The following ZSWIM6 variants were observed in gnomAD, a reference collection of about 807,000 sequenced individuals.
ZSWIM6 encodes the protein zinc finger SWIM domain-containing protein 6.
A neutral mutation model predicts 113.2 loss-of-function variants in ZSWIM6; 9 were observed. The observed-to-expected ratio is 0.08, with a 90% CI of 0.05 to 0.14. The LOEUF is 0.14. ZSWIM6 is among the 10% of genes least tolerant of loss of function. The pLI, the probability that ZSWIM6 is intolerant of heterozygous loss-of-function variation, is 1.00. For synonymous variants in ZSWIM6, 611 were observed against 606.5 expected, an observed-to-expected ratio of 1.01 and a Z score of -0.11; for missense variants, 1,162 against 1,552.2, an observed-to-expected ratio of 0.75 and a Z score of 4.22.
At chr5:61,504,324 A>G (rs1228957977) in intron 4 of ZSWIM6, among the ~76,000 whole-genome samples, 1 of 152,234 alleles carries the variant, frequency 6.6e-6, no homozygotes, top group Admixed American at 6.5e-5. Context: ...TCAATGCTGC[A>G]GGTAATCTAT....
At chr5:61,498,519 GT>G (rs1748380577) in intron 4 of ZSWIM6, among the ~76,000 whole-genome samples, 1 of 152,176 alleles carries the variant, frequency 6.6e-6, no homozygotes, top group African/African-American at 2.4e-5. Context: ...TTGACCACTA[GT>G]TATTAAGCAA....
At chr5:61,375,776 CAA>C (rs1314619890) in intron 1 of ZSWIM6, 1 of 1,514,372 alleles carries the variant, frequency 6.6e-7, no homozygotes, top group South Asian at 1.2e-5. Context: ...ACAGAAAAAA[CAA>C]AAAAGAAAAA....
chr5:61,422,421 C>A (rs1746372597), intron 1 of ZSWIM6, among the ~76,000 whole-genome samples: 1 of 152,168 alleles, frequency 6.6e-6, no homozygotes, highest in Non-Finnish European at 1.5e-5. Flanking sequence ...ATTCCACTTA[C>A]TAAGTGTCTA....
intron 1 of ZSWIM6, among the ~76,000 whole-genome samples, chr5:61,344,249 A>G (rs1241075020): frequency 2.0e-5 from 3 of 152,042 alleles, no homozygotes; most frequent in African/African-American, 7.2e-5. Context: ...TCTTCCCCCA[A>G]ATACCACTTG....
At chr5:61,379,145 C>T (rs1445844004) in intron 1 of ZSWIM6, among the ~76,000 whole-genome samples, 4 of 133,520 alleles carry the variant, frequency 3.0e-5, no homozygotes, top group Non-Finnish European at 6.1e-5. Flanking sequence ...GATCATGCCT[C>T]TCTACTCCAG....
At position 61,544,592 on chromosome 5, in the gene ZSWIM6, A is replaced by G. The variant is rs1749838393; in HGVS notation, c.*275A>G. 1 of 176,424 alleles carries G rather than the reference A, an allele frequency of 5.7e-6. No homozygotes were observed. Among genetic ancestry groups the G allele is most frequent in the South Asian group, 1.6e-4 (1 of 6,284 alleles). The allele number at this position is 176,424 out of a possible 1,614,324, so 10.9% of individuals were successfully genotyped here. A position where few individuals can be genotyped will look rare whatever the true frequency, so the allele number is the denominator to read the frequency against. ...GAGAGGTTAAAAAGGTTTGGTTTAC[A>G]CTGAGTATATGTTGTCAAGTGGCAA... On this transcript the variant is annotated 3_prime_UTR_variant, in exon 14 of 14. Transcript: ENST00000252744.
chr5:61,537,948 A>G lies in ZSWIM6; in HGVS notation c.2382-866A>G, dbSNP rs558026885. Among the ~76,000 whole-genome samples, 89 of 151,920 alleles carry G rather than the reference A, an allele frequency of 5.9e-4. 1 individual carries two copies. The South Asian group carries it at 0.01, about 17-fold the overall frequency. On this transcript the variant is annotated intron_variant, in intron 10 of 13. Transcript: ENST00000252744. The stretch of plus-strand genomic sequence containing the variant: ...TTTTTCATCAGCATATTCTTTTTTT[A>G]TTTGTTTTGAGACAGGGTTTTGCTC...
chr5:61,387,492 C>T (rs1008794439), intron 1 of ZSWIM6, among the ~76,000 whole-genome samples: 9 of 150,900 alleles, frequency 6.0e-5, no homozygotes, highest in African/African-American at 2.0e-4. Flanking sequence ...GGTGAAACCC[C>T]ATCTCTACAA....
At chr5:61,505,600 TA>T in intron 4 of ZSWIM6, among the ~76,000 whole-genome samples, 2 of 101,914 alleles carry the variant, frequency 2.0e-5, no homozygotes, top group South Asian at 7.2e-4. Context: ...ATCTATGATT[TA>T]CCTTCCTTCC....
At chr5:61,535,852 C>G (rs1179960588) in intron 10 of ZSWIM6, among the ~76,000 whole-genome samples, 1 of 152,202 alleles carries the variant, frequency 6.6e-6, no homozygotes, top group Non-Finnish European at 1.5e-5. Context: ...CACACCGTGG[C>G]TTTTTCCTAC....
intron 6 of ZSWIM6, 70 bp from the exon 7 acceptor site, chr5:61,526,180 T>C: frequency 6.7e-7 from 1 of 1,482,842 alleles, no homozygotes; most frequent in Non-Finnish European, 9.0e-7. Flanking sequence ...AGAAACATCT[T>C]ACTATTAAAT....
intron 1 of ZSWIM6, among the ~76,000 whole-genome samples, chr5:61,436,252 G>A (rs1191595510): frequency 6.6e-6 from 1 of 151,946 alleles, no homozygotes; most frequent in South Asian, 2.1e-4. Context: ...TGAGATGTTG[G>A]TAGCAGCTTG....
intron 1 of ZSWIM6, among the ~76,000 whole-genome samples, chr5:61,429,204 CA>C (rs1221215836): frequency 1.3e-5 from 2 of 152,194 alleles, no homozygotes; most frequent in African/African-American, 4.8e-5. Context: ...CTCTCCCCTA[CA>C]GGGGGTAGGG....
intron 1 of ZSWIM6, among the ~76,000 whole-genome samples, chr5:61,440,028 G>A (rs1746792110): frequency 6.6e-6 from 1 of 151,990 alleles, no homozygotes; most frequent in African/African-American, 2.4e-5. Flanking sequence ...AATTGGAGTA[G>A]TCTTTGACAC....
At chr5:61,512,866 A>G (rs1748827488) in intron 4 of ZSWIM6, among the ~76,000 whole-genome samples, 1 of 152,106 alleles carries the variant, frequency 6.6e-6, no homozygotes, top group Admixed American at 6.6e-5. Context: ...AAAATTGAGC[A>G]GAGATTTCCC....
At chr5:61,373,372 CTT>C (rs748556109) in intron 1 of ZSWIM6, among the ~76,000 whole-genome samples, 4 of 102,946 alleles carry the variant, frequency 3.9e-5, no homozygotes, top group Admixed American at 2.2e-4. Flanking sequence ...CTCAGTATTT[CTT>C]TTTTTTTTTT....
chr5:61,399,231 GTTTT>G (rs35540556), intron 1 of ZSWIM6, among the ~76,000 whole-genome samples: 22 of 117,978 alleles, frequency 1.9e-4, no homozygotes, highest in South Asian at 2.8e-4. Context: ...GGCTGTGTAT[GTTTT>G]TTTTTTTTTT....
intron 3 of ZSWIM6, 72 bp downstream of exon 3, chr5:61,491,006 T>C: frequency 7.4e-7 from 1 of 1,355,486 alleles, no homozygotes; most frequent in Non-Finnish European, 9.7e-7. Flanking sequence ...TATGATCATG[T>C]CTACAATAGG....
At position 61,541,921 on chromosome 5, in the gene ZSWIM6, G is replaced by A. The variant is rs2112294360; in HGVS notation, c.2741G>A (p.Arg914Gln). Residue 914 changes from arginine (R) to glutamine (Q), a missense_variant, in exon 13 of 14, where the codon CGG (arginine) becomes CAG (glutamine). Arg to Gln is a conservative substitution (Grantham distance 43). Coordinates refer to ENST00000252744, the MANE Select transcript of ZSWIM6 (RefSeq NM_020928.2). Reference protein sequence around the residue: ...RMTLSTLNWRRREMVRWLVTC... With the variant: ...RMTLSTLNWRQREMVRWLVTC... ...ACACTGTCAACCTTAAATTGGCGAC[G>A]GCGGGAGATGGTGAGGTGGCTGGTA... 6.4e-7 allele frequency: 1 copy of A among 1,551,012 alleles called. No homozygotes were observed. The highest frequency in any genetic ancestry group is 8.7e-7 in the Non-Finnish European group (1 of 1,146,290).
Sources: allele counts gnomAD v4.1 joint callset (sites outside exome capture counted in the v4.1 genomes callset), GRCh38; gene constraint gnomAD v4.1.1; transcripts MANE v1.5; gene names NCBI Gene and HGNC (gene_info 2026-07-23, HGNC 2026-07-21).